IST1: variants seen among roughly 807,000 people sequenced by gnomAD.
IST1 encodes the protein IST1 factor associated with ESCRT-III, also known as IST1 homolog.
Under a neutral mutation model 37.0 loss-of-function variants are expected in IST1, and 23 were observed. The observed-to-expected ratio is 0.62, with a 90% CI of 0.45 to 0.88. The LOEUF is 0.88. Among genes scored for constraint, IST1 ranks in the 40% least tolerant of loss-of-function variants. IST1 has a pLI of 0.00. For missense variants in IST1, 488 were observed against 445.4 expected (o/e 1.10, Z -0.86); for synonymous variants, 180 against 161.7 (o/e 1.11, Z -0.86).
At chr16:71,912,330 T>C (rs970298225) in intron 1 of IST1, among the ~76,000 whole-genome samples, 8 of 152,214 alleles carry the variant, frequency 5.3e-5, no homozygotes, top group South Asian at 2.1e-4. Flanking sequence ...CTCCGCCTCC[T>C]GGGTTCACGC....
intron 1 of IST1, chr16:71,903,322 C>T (rs1410938617): frequency 1.3e-5 from 2 of 152,208 alleles, no homozygotes; most frequent in East Asian, 3.9e-4. Flanking sequence ...AATTTTTTCT[C>T]TAAGCACTGC....
intron 1 of IST1, among the ~76,000 whole-genome samples, chr16:71,904,499 A>T (rs1182253781): frequency 6.6e-6 from 1 of 151,404 alleles, no homozygotes; most frequent in East Asian, 1.9e-4. Context: ...TGCAGCCTTG[A>T]CCTCCTGGGC....
intron 1 of IST1, among the ~76,000 whole-genome samples, chr16:71,901,762 T>G (rs1251190405): frequency 6.6e-6 from 1 of 152,218 alleles, no homozygotes. Context: ...TAGAATTTTT[T>G]TAAAAGCATG....
rs1221188139 is a variant in IST1 at position 71,930,123 on chromosome 16, C to T, written c.*2310C>T. The T allele has an allele frequency of 4.5e-6, 7 of 1,551,466 alleles. No individual in the cohort carries two copies. Among genetic ancestry groups the T allele is most frequent in the Non-Finnish European group, 2.6e-6 (3 of 1,146,876 alleles). On this transcript the variant is annotated 3_prime_UTR_variant, in exon 10 of 10. Coordinates refer to ENST00000378799, the MANE Select transcript of IST1 (RefSeq NM_001270975.2). ...ACGAAAAGATTAATTACCACAAGTACCATCAAGATGACACTGGTGAGGATC... is the reference window on the plus strand; with the variant it reads ...ACGAAAAGATTAATTACCACAAGTATCATCAAGATGACACTGGTGAGGATC...
At chr16:71,923,213 T>C (rs920872095) in intron 7 of IST1, 75 bp from the exon 8 acceptor site, 2 of 758,882 alleles carry the variant, frequency 2.6e-6, no homozygotes, top group Admixed American at 4.6e-5. Context: ...TATTTCTTTC[T>C]CCCTTCCCAT....
chr16:71,897,051 ACT>A (rs1219716312), intron 1 of IST1, among the ~76,000 whole-genome samples: 1 of 150,682 alleles, frequency 6.6e-6, no homozygotes, highest in Non-Finnish European at 1.5e-5. Flanking sequence ...CGGGGGTCTC[ACT>A]CTGTTTCCCA....
At chr16:71,926,049 A>C (rs773115083) in intron 9 of IST1, among the ~76,000 whole-genome samples, 9 of 152,132 alleles carry the variant, frequency 5.9e-5, no homozygotes, top group Non-Finnish European at 1.2e-4. Flanking sequence ...TGGGAGGCCT[A>C]GGTGGGCAGA....
intron 1 of IST1, among the ~76,000 whole-genome samples, chr16:71,900,812 G>C (rs2037091646): frequency 6.6e-6 from 1 of 152,098 alleles, no homozygotes. Flanking sequence ...TGAGCCCCTT[G>C]AAGGCTAGGG....
intron 1 of IST1, among the ~76,000 whole-genome samples, chr16:71,911,476 T>A (rs1193153047): frequency 6.6e-6 from 1 of 152,070 alleles, no homozygotes. Context: ...GGGGTTGCAG[T>A]GAGCTAAGAT....
At chr16:71,921,293 T>G (rs1460572835) in intron 5 of IST1, 50 bp from the exon 6 acceptor site, 1 of 1,090,210 alleles carries the variant, frequency 9.2e-7, no homozygotes, top group East Asian at 2.4e-5. Context: ...AGGTGAGGAT[T>G]AGGCTGGTTG....
intron 1 of IST1, among the ~76,000 whole-genome samples, chr16:71,905,364 G>A (rs1415188694): frequency 6.9e-6 from 1 of 145,544 alleles, no homozygotes; most frequent in East Asian, 2.1e-4. Flanking sequence ...TGCTCTAGGG[G>A]TTACAATGGA....
At chr16:71,916,362 T>C in intron 2 of IST1, 100 bp from the exon 3 acceptor site, 2 of 1,123,184 alleles carry the variant, frequency 1.8e-6, no homozygotes, top group Non-Finnish European at 2.6e-6. Context: ...AGCTAGGATA[T>C]AGTAGAAACA....
intron 1 of IST1, among the ~76,000 whole-genome samples, chr16:71,901,099 A>G (rs2037097432): frequency 6.6e-6 from 1 of 152,210 alleles, no homozygotes; most frequent in African/African-American, 2.4e-5. Flanking sequence ...ATTAACTTTT[A>G]GGTTATTATT....
At chr16:71,915,351 C>T (rs1041742019) in intron 1 of IST1, among the ~76,000 whole-genome samples, 3 of 152,156 alleles carry the variant, frequency 2.0e-5, no homozygotes, top group Non-Finnish European at 2.9e-5. Context: ...CAGTTGCTGA[C>T]ACTGCTAACC....
intron 4 of IST1, among the ~76,000 whole-genome samples, chr16:71,918,959 G>A (rs2037522595): frequency 6.6e-6 from 1 of 152,150 alleles, no homozygotes. Context: ...GGAATGTTGG[G>A]ACCACTCTGG....
chr16:71,927,057 A>G (rs1410172500), intron 9 of IST1, among the ~76,000 whole-genome samples: 1 of 152,234 alleles, frequency 6.6e-6, no homozygotes, highest in Non-Finnish European at 1.5e-5. Context: ...GAAAAGGAAC[A>G]GTCGATTGCT....
At position 71,921,411 on chromosome 16, in the gene IST1, A is replaced by G. The variant is rs61733122; in HGVS notation, c.510A>G (p.Ala170=). The G allele has an allele frequency of 4.0e-3, 6,376 of 1,613,416 alleles. 21 individuals are homozygous for G. Among genetic ancestry groups the G allele is most frequent in the Middle Eastern group, 0.023 (141 of 6,048 alleles). The part of the protein sequence containing the change: ...ILVERYLIEI[A]KNYNVPYEPD... Reference sequence around the variant, plus strand: ...TGGAGAGATACCTGATTGAAATTGCAAAGAATTACAACGTACCCTATGAAC... The same window carrying G: ...TGGAGAGATACCTGATTGAAATTGCGAAGAATTACAACGTACCCTATGAAC... Residue 170 remains alanine, a synonymous_variant, in exon 6 of 10, where the codon GCA becomes GCG. Transcript: ENST00000378799.
chr16:71,916,388 TG>T (rs2037466711), intron 2 of IST1, 73 bp from the exon 3 acceptor site: 3 of 1,428,842 alleles, frequency 2.1e-6, no homozygotes, highest in African/African-American at 1.4e-5. Flanking sequence ...TTCTTCCTGT[TG>T]GGGGGAGATT....
At chr16:71,925,409 C>T (rs1039737911) in intron 9 of IST1, among the ~76,000 whole-genome samples, 5 of 151,424 alleles carry the variant, frequency 3.3e-5, no homozygotes, top group Non-Finnish European at 5.9e-5. Flanking sequence ...CTCTGCCTCC[C>T]GGGTTCAGGC....
Sources: allele counts gnomAD v4.1 joint callset (sites outside exome capture counted in the v4.1 genomes callset), GRCh38; gene constraint gnomAD v4.1.1; transcripts MANE v1.5; gene names NCBI Gene and HGNC (gene_info 2026-07-23, HGNC 2026-07-21).